SLC35A3: variants seen among roughly 807,000 people sequenced by gnomAD.
The protein encoded by SLC35A3 is solute carrier family 35 member A3.
SLC35A3 carries 26 observed loss-of-function variants against 39.0 expected under a neutral mutation model. The observed-to-expected ratio is 0.67, with a 90% CI of 0.49 to 0.92. SLC35A3 has a LOEUF of 0.92. SLC35A3 is among the 40% of genes least tolerant of loss of function. SLC35A3 has a pLI of 0.00. For synonymous variants in SLC35A3, 135 were observed against 133.1 expected, an observed-to-expected ratio of 1.01 and a Z score of -0.10; for missense variants, 299 against 371.6, an observed-to-expected ratio of 0.80 and a Z score of 1.61.
At chr1:100,007,359 A>G (rs1659313938) in intron 4 of SLC35A3, 2 of 437,404 alleles carry the variant, frequency 4.6e-6, no homozygotes, top group Non-Finnish European at 8.0e-6. Flanking sequence ...TCAAAATAAA[A>G]TTATATTACC....
intron 1 of SLC35A3, among the ~76,000 whole-genome samples, chr1:99,970,868 A>G (rs1656764751): frequency 6.6e-6 from 1 of 152,194 alleles, no homozygotes. Context: ...ATTCACTTTC[A>G]CTGGTAAACT....
At chr1:100,019,199 A>G (rs550913058) in intron 7 of SLC35A3, among the ~76,000 whole-genome samples, 1 of 151,746 alleles carries the variant, frequency 6.6e-6, no homozygotes, top group South Asian at 2.1e-4. Context: ...GGCCGAGGTA[A>G]TTAAATCTTT....
At chr1:100,013,141 T>G (rs1236162092) in intron 5 of SLC35A3, among the ~76,000 whole-genome samples, 1 of 152,154 alleles carries the variant, frequency 6.6e-6, no homozygotes, top group Non-Finnish European at 1.5e-5. Context: ...GTATATATCC[T>G]TCTATAATGT....
intron 2 of SLC35A3, among the ~76,000 whole-genome samples, chr1:99,994,585 A>G (rs1173463057): frequency 2.6e-5 from 4 of 152,208 alleles, no homozygotes; most frequent in Admixed American, 2.6e-4. Flanking sequence ...AAATGTTTTC[A>G]AGATTTGTTC....
chr1:99,999,313 A>G lies in SLC35A3; in HGVS notation c.240A>G (p.Lys80=). ...NRVLHDEILN[K]PMETLKLAIP... ...TACTACATGATGAAATTCTTAATAAACCTATGGAAACACTTAAACTTGCTA... is the reference window on the plus strand; with the variant it reads ...TACTACATGATGAAATTCTTAATAAGCCTATGGAAACACTTAAACTTGCTA... Residue 80 remains lysine, a synonymous_variant, in exon 3 of 8, where the codon AAA becomes AAG. Transcript: ENST00000533028. The G allele has an allele frequency of 6.3e-7, 1 of 1,595,104 alleles. No individual in the cohort carries two copies. Among genetic ancestry groups the G allele is most frequent in the Non-Finnish European group, 8.5e-7 (1 of 1,170,098 alleles).
chr1:99,983,909 A>G (rs1259327652), intron 1 of SLC35A3, among the ~76,000 whole-genome samples: 1 of 152,190 alleles, frequency 6.6e-6, no homozygotes, highest in African/African-American at 2.4e-5. Context: ...GGCATGAGCC[A>G]CCGCACCCGG....
intron 2 of SLC35A3, among the ~76,000 whole-genome samples, chr1:99,997,110 C>G (rs933661264): frequency 2.6e-5 from 4 of 151,806 alleles, no homozygotes; most frequent in African/African-American, 9.7e-5. Flanking sequence ...GATTGGCCAG[C>G]TCAAAGTTCA....
chr1:99,992,127 TTTG>T (rs1195921911), intron 1 of SLC35A3, among the ~76,000 whole-genome samples: 1 of 152,208 alleles, frequency 6.6e-6, no homozygotes, highest in Non-Finnish European at 1.5e-5. Context: ...GGTTTTCTTT[TTTG>T]TTGTTATTTT....
chr1:99,970,652 T>C, intron 1 of SLC35A3: 3 of 1,530,380 alleles, frequency 2.0e-6, no homozygotes, highest in Non-Finnish European at 2.6e-6. Context: ...TTGGTAAGGC[T>C]AGTAAGAACA....
chr1:100,022,359 TTTTTA>T (rs1660613766), intron 7 of SLC35A3, 22 bp from the exon 8 acceptor site: 1 of 1,247,476 alleles, frequency 8.0e-7, no homozygotes, highest in African/African-American at 1.5e-5. Flanking sequence ...GATTTTCTCT[TTTTTA>T]TTTTGTCTTC....
At chr1:99,990,728 C>A (rs115502992) in intron 1 of SLC35A3, among the ~76,000 whole-genome samples, 1 of 152,156 alleles carries the variant, frequency 6.6e-6, no homozygotes, top group Non-Finnish European at 1.5e-5. Flanking sequence ...CTCTTCTCCT[C>A]TCTGTCCCCT....
chr1:99,984,159 T>G (rs1428620308), intron 1 of SLC35A3, among the ~76,000 whole-genome samples: 1 of 152,094 alleles, frequency 6.6e-6, no homozygotes, highest in African/African-American at 2.4e-5. Context: ...ACCTGAGAAA[T>G]CATATGAAAT....
intron 1 of SLC35A3, chr1:99,970,465 AGCGCCTG>A (rs1656735771): frequency 1.8e-6 from 2 of 1,083,944 alleles, no homozygotes; most frequent in South Asian, 2.7e-5. Context: ...TGTGTGCCTC[AGCGCCTG>A]GTGCGTGCGG....
rs920357341 is a variant in SLC35A3 at position 100,017,544 on chromosome 1, G to C, written c.754-138G>C. The C allele has an allele frequency of 1.2e-4, 63 of 515,966 alleles. 1 individual carries two copies. The highest frequency in any genetic ancestry group is 1.0e-3 in the African/African-American group (51 of 49,860). The allele number at this position is 515,966 out of a possible 1,614,324, so 32.0% of individuals were successfully genotyped here. On this transcript the variant is annotated intron_variant, in intron 6 of 7. Coordinates refer to ENST00000533028, the MANE Select transcript of SLC35A3 (RefSeq NM_012243.3). ...AACCTGTAAGTCTATTCGTTGTTAA[G>C]AGATGTTTAAAATAAATCCCTTACT...
At chr1:100,010,103 G>A (rs150198276) in intron 4 of SLC35A3, among the ~76,000 whole-genome samples, 122 of 152,144 alleles carry the variant, frequency 8.0e-4, no homozygotes, top group Non-Finnish European at 1.4e-3. Context: ...CACATTTCAC[G>A]TGCTCAATAG....
intron 1 of SLC35A3, among the ~76,000 whole-genome samples, chr1:99,987,544 T>C (rs2101092006): frequency 6.6e-6 from 1 of 152,284 alleles, no homozygotes; most frequent in South Asian, 2.1e-4. Context: ...CAGTTGAGGG[T>C]AGGAATTGCT....
In SLC35A3 at chr1:99,984,254, G is replaced by A. The variant is rs146562286; in HGVS notation, c.-18-9283G>A. Among the ~76,000 whole-genome samples, 1,105 of 152,312 alleles carry A rather than the reference G, an allele frequency of 7.3e-3. 9 individuals are homozygous for A. The highest frequency in any genetic ancestry group is 0.026 in the African/African-American group (1,062 of 41,570). ...GGATAATTGATTCCCCTGGAGGGAA[G>A]AGGAAAGGAATAGACTTAGAGTTGT... On this transcript the variant is annotated intron_variant, in intron 1 of 7. Coordinates refer to ENST00000533028, the MANE Select transcript of SLC35A3 (RefSeq NM_012243.3).
chr1:99,993,439 C>T, intron 1 of SLC35A3, 98 bp from the exon 2 acceptor site: 1 of 945,618 alleles, frequency 1.1e-6, no homozygotes, highest in Admixed American at 2.9e-5. Context: ...GAGGAGAGAC[C>T]TGCAGGCCCT....
rs1289771641 is a variant in SLC35A3 at position 100,023,220 on chromosome 1, T to A, written c.*744T>A. 1 of 152,198 alleles carries A rather than the reference T, an allele frequency of 6.6e-6. No individual in the cohort carries two copies. Among genetic ancestry groups the A allele is most frequent in the Non-Finnish European group, 1.5e-5 (1 of 68,028 alleles). The allele number at this position is 152,198 out of a possible 1,614,324, so 9.4% of individuals were successfully genotyped here. The stretch of plus-strand genomic sequence containing the variant: ...ATTTTATAGTAATGGAGGTTAGCCC[T>A]TAATCTCTTCATTGCATTTCATTTC... On this transcript the variant is annotated 3_prime_UTR_variant, in exon 8 of 8. Transcript: ENST00000533028.
Sources: gnomAD v4.1 joint callset for allele counts (sites outside exome capture counted in the v4.1 genomes callset) on GRCh38, gnomAD v4.1.1 for gene constraint, MANE v1.5 for transcripts, NCBI Gene and HGNC (gene_info 2026-07-23, HGNC 2026-07-21) for gene names.